Variants in ZNF730 observed in about 807,000 individuals in gnomAD.
ZNF730 encodes putative zinc finger protein 730.
A neutral mutation model predicts 12.6 loss-of-function variants in ZNF730; 12 were observed. That is an observed-to-expected ratio of 0.95 (90% confidence interval 0.61 to 1.54). The LOEUF (loss-of-function observed/expected upper bound fraction) is 1.54. ZNF730 is among the 40% of genes most tolerant of loss of function. The probability of loss-of-function intolerance (pLI) is 0.00; values close to 1 mark genes in which losing one functional copy is unlikely to be tolerated. For missense variants in ZNF730, 643 were observed against 583.5 expected (o/e 1.10, Z -1.05); for synonymous variants, 194 against 195.8 (o/e 0.99, Z 0.08).
intron 1 of ZNF730, among the ~76,000 whole-genome samples, chr19:23,101,756 G>A (rs1025404963): frequency 2.7e-5 from 4 of 149,960 alleles, no homozygotes; most frequent in African/African-American, 1.0e-4. Context: ...TTTTAGTAGA[G>A]ACGGGGTTTC....
rs114509775 is a variant in ZNF730, at chr19:23,147,032, A to G, written c.*476A>G. The G allele has an allele frequency of 9.2e-3, 2,637 of 286,556 alleles. 71 individuals carry two copies. Among genetic ancestry groups the G allele is most frequent in the African/African-American group, 0.053 (2,437 of 45,660 alleles). The allele number at this position is 286,556 out of a possible 1,614,324, so 17.8% of individuals were successfully genotyped here. A position where few individuals can be genotyped will look rare whatever the true frequency, so the allele number is the denominator to read the frequency against. On this transcript the variant is annotated 3_prime_UTR_variant, in exon 4 of 4. Coordinates refer to ENST00000597761, the MANE Select transcript of ZNF730 (RefSeq NM_001277403.2). ...CATTTAATTGTAGGTAAGGTGATTCATACTGGAGAAAACTTCTACAAGTGT... is the reference window on the plus strand; with the variant it reads ...CATTTAATTGTAGGTAAGGTGATTCGTACTGGAGAAAACTTCTACAAGTGT...
At chr19:23,136,163 T>G in intron 3 of ZNF730, 120 bp downstream of exon 3, 5 of 691,386 alleles carry the variant, frequency 7.2e-6, no homozygotes, top group Non-Finnish European at 1.0e-5. Flanking sequence ...AGTTTCTGTT[T>G]CTTTTTATTT....
At chr19:23,089,120 G>A (rs868733662) in intron 1 of ZNF730, among the ~76,000 whole-genome samples, 2 of 151,992 alleles carry the variant, frequency 1.3e-5, no homozygotes, top group African/African-American at 4.8e-5. Context: ...GATCCACCTG[G>A]CTCGACCTCC....
intron 1 of ZNF730, among the ~76,000 whole-genome samples, chr19:23,092,821 A>C (rs899363815): frequency 6.6e-6 from 1 of 152,014 alleles, no homozygotes; most frequent in African/African-American, 2.4e-5. Flanking sequence ...TTTGCTGCTG[A>C]ATTTGGTTTG....
chr19:23,121,147 G>T (rs1356687571), intron 1 of ZNF730, among the ~76,000 whole-genome samples: 1 of 152,180 alleles, frequency 6.6e-6, no homozygotes, highest in Non-Finnish European at 1.5e-5. Context: ...TATTTGACAC[G>T]TGGTGGTGAG....
At chr19:23,144,418 AG>A (rs1970972545) in intron 3 of ZNF730, among the ~76,000 whole-genome samples, 2 of 152,118 alleles carry the variant, frequency 1.3e-5, no homozygotes. Context: ...AAAAATCAGT[AG>A]GCCAGTTGTG....
chr19:23,135,215 G>T (rs1970810160), intron 2 of ZNF730, among the ~76,000 whole-genome samples: 1 of 25,838 alleles, frequency 3.9e-5, no homozygotes, highest in South Asian at 1.5e-3. Context: ...ACCCAAGAAT[G>T]ATCAATAAAA....
At chr19:23,083,596 T>G (rs985642311) in intron 1 of ZNF730, among the ~76,000 whole-genome samples, 2 of 128,194 alleles carry the variant, frequency 1.6e-5, no homozygotes, top group South Asian at 4.7e-4. Flanking sequence ...TTAGTGCTTG[T>G]TTTTTTTTTT....
chr19:23,088,522 G>T (rs896728734), intron 1 of ZNF730, among the ~76,000 whole-genome samples: 1 of 152,020 alleles, frequency 6.6e-6, no homozygotes, highest in African/African-American at 2.4e-5. Context: ...AGGCTGGAGT[G>T]CAATGGCATG....
intron 2 of ZNF730, among the ~76,000 whole-genome samples, chr19:23,135,711 C>T (rs967511853): frequency 3.9e-5 from 6 of 152,190 alleles, no homozygotes; most frequent in African/African-American, 1.4e-4. Flanking sequence ...CAGGGTTTCA[C>T]TATGTTGGCC....
chr19:23,104,334 A>G (rs1348204276), intron 1 of ZNF730, among the ~76,000 whole-genome samples: 1 of 150,854 alleles, frequency 6.6e-6, no homozygotes, highest in Non-Finnish European at 1.5e-5. Context: ...CACAGGACTC[A>G]TGAGGAGCTA....
intron 2 of ZNF730, among the ~76,000 whole-genome samples, chr19:23,135,221 T>C (rs1462167662): frequency 2.6e-5 from 1 of 38,820 alleles, no homozygotes; most frequent in Non-Finnish European, 4.8e-5. Flanking sequence ...GAATGATCAA[T>C]AAAAAAAAAA....
intron 1 of ZNF730, among the ~76,000 whole-genome samples, chr19:23,117,764 C>T (rs531657378): frequency 1.1e-4 from 17 of 152,234 alleles, no homozygotes; most frequent in African/African-American, 4.1e-4. Context: ...AAATTTGCAC[C>T]TTGAGCGTAC....
chr19:23,096,388 C>T (rs551347208), intron 1 of ZNF730, among the ~76,000 whole-genome samples: 1 of 152,314 alleles, frequency 6.6e-6, no homozygotes, highest in South Asian at 2.1e-4. Flanking sequence ...TAATGCAACT[C>T]TCCTACATGG....
intron 1 of ZNF730, among the ~76,000 whole-genome samples, chr19:23,083,347 C>G (rs1235204292): frequency 6.6e-6 from 1 of 152,018 alleles, no homozygotes; most frequent in South Asian, 2.1e-4. Flanking sequence ...CCGCTTGAAC[C>G]GGGGAGGGGG....
intron 3 of ZNF730, chr19:23,143,550 G>C (rs1247343103): frequency 6.6e-6 from 1 of 152,044 alleles, no homozygotes. Context: ...GTATTTTCTT[G>C]AATCCTTTTA....
chr19:23,123,546 G>A (rs1439945150), intron 1 of ZNF730: 1 of 150,592 alleles, frequency 6.6e-6, no homozygotes, highest in East Asian at 2.0e-4. Context: ...TTCCAGCCTA[G>A]GCAACACAGC....
intron 1 of ZNF730, among the ~76,000 whole-genome samples, chr19:23,133,336 GTTTT>G (rs554836444): frequency 6.6e-6 from 1 of 151,530 alleles, no homozygotes; most frequent in Non-Finnish European, 1.5e-5. Context: ...TGTTTTTTTT[GTTTT>G]TTTTTTGTTT....
At chr19:23,110,445 T>G (rs965154836) in intron 1 of ZNF730, among the ~76,000 whole-genome samples, 2 of 136,370 alleles carry the variant, frequency 1.5e-5, no homozygotes, top group African/African-American at 5.6e-5. Context: ...CCTGGCTAAT[T>G]TTTGTATTTT....
Sources: gnomAD v4.1 joint callset for allele counts (sites outside exome capture counted in the v4.1 genomes callset) on GRCh38, gnomAD v4.1.1 for gene constraint, MANE v1.5 for transcripts, NCBI Gene and HGNC (gene_info 2026-07-23, HGNC 2026-07-21) for gene names.